Variants in EML1 observed in about 807,000 individuals in gnomAD.
EML1 encodes EMAP like 1, also known as echinoderm microtubule-associated protein-like 1.
Under a neutral mutation model 110.4 loss-of-function variants are expected in EML1, and 27 were observed. That is an observed-to-expected ratio of 0.24 (90% CI 0.18 to 0.34). The LOEUF is 0.34. Ranked by LOEUF, EML1 falls within the 10% of genes least tolerant of loss-of-function variation. The pLI is 1.00. For missense variants in EML1, 741 were observed against 1,030.9 expected, an observed-to-expected ratio of 0.72 and a Z score of 3.85; for synonymous variants, 344 against 385.8, an observed-to-expected ratio of 0.89 and a Z score of 1.27.
rs966973514 is a variant in EML1 at position 99,941,628 on chromosome 14, T to C, written c.*1516T>C. 6.6e-6 allele frequency: 1 copy of C among 152,228 alleles called. No individual in the cohort carries two copies. The highest frequency in any genetic ancestry group is 1.5e-5 in the Non-Finnish European group (1 of 68,040). The allele number at this position is 152,228 out of a possible 1,614,324, so 9.4% of individuals were successfully genotyped here. On this transcript the variant is annotated 3_prime_UTR_variant, in exon 22 of 22. Coordinates refer to ENST00000262233, the MANE Select transcript of EML1 (RefSeq NM_004434.3). ...CACTATATTCTGTTTCATATGCAGA[T>C]TTTATTCTCACCTGGGCCATTTGCA...
intron 15 of EML1, among the ~76,000 whole-genome samples, chr14:99,916,081 G>T (rs1199096157): frequency 1.3e-5 from 2 of 152,238 alleles, no homozygotes; most frequent in Non-Finnish European, 2.9e-5. Context: ...TGGTGGTCCA[G>T]GAGGGCTGAA....
At chr14:99,821,785 G>A (rs977084461) in intron 1 of EML1, among the ~76,000 whole-genome samples, 1 of 152,164 alleles carries the variant, frequency 6.6e-6, no homozygotes, top group Non-Finnish European at 1.5e-5. Context: ...GAATAGGAAT[G>A]GATCTAAAAA....
chr14:99,849,112 T>G (rs2058749575), intron 1 of EML1, among the ~76,000 whole-genome samples: 1 of 152,240 alleles, frequency 6.6e-6, no homozygotes, highest in African/African-American at 2.4e-5. Flanking sequence ...ATAATTTTTC[T>G]TTAGCCTGAA....
chr14:99,770,779 A>ATTTTTTT (rs34744469), upstream of EML1, among the ~76,000 whole-genome samples: 57 of 91,624 alleles, frequency 6.2e-4, 4 homozygotes, highest in African/African-American at 1.2e-3. Context: ...GTTTCCGCTG[A>ATTTTTTT]TTTTTTTTTT....
At chr14:99,835,773 C>T (rs2058530683) in intron 1 of EML1, among the ~76,000 whole-genome samples, 1 of 152,174 alleles carries the variant, frequency 6.6e-6, no homozygotes. Flanking sequence ...TTCAATATTT[C>T]CAACACCATT....
intron 17 of EML1, among the ~76,000 whole-genome samples, chr14:99,935,295 G>A (rs1046827675): frequency 2.6e-5 from 4 of 151,696 alleles, no homozygotes; most frequent in South Asian, 2.1e-4. Flanking sequence ...TCAACACAGC[G>A]AGACCCCAAC....
rs763147507 is a variant in EML1 at position 99,939,245 on chromosome 14, G to T, written c.2240G>T (p.Arg747Leu). The change falls in exon 21 of 22, where the codon CGG becomes CTG. Residue 747 changes from arginine to leucine, a missense_variant. Around this residue, in one of 4 missense-constraint regions of EML1, gnomAD observed 114 missense variants for 122.5 expected, o/e 0.93. Transcript: ENST00000262233. This position sits in a 1 kb window ranked among gnomAD's most constrained non-coding sequence, Gnocchi z 4.2. ...SDGTDINAVCRAHEKKLLSTG... is the reference protein window; with the variant it reads ...SDGTDINAVCLAHEKKLLSTG... Reference sequence around the variant, plus strand: ...GGAACCGACATCAATGCCGTCTGTCGGGCCCATGAGAAGAAACTCCTGTCA... The same window carrying T: ...GGAACCGACATCAATGCCGTCTGTCTGGCCCATGAGAAGAAACTCCTGTCA... 3 of 1,614,152 alleles carry T rather than the reference G, an allele frequency of 1.9e-6. No homozygotes were observed. In the East Asian group the frequency reaches 6.7e-5, roughly 36 times the overall value.
At chr14:99,866,328 T>C (rs560805646) in intron 3 of EML1, among the ~76,000 whole-genome samples, 3 of 152,232 alleles carry the variant, frequency 2.0e-5, no homozygotes, top group East Asian at 3.9e-4. Context: ...TCCAGCACTT[T>C]GGGAGGCCAA....
chr14:99,783,849 G>A (rs1005725815), intron 1 of EML1, among the ~76,000 whole-genome samples: 3 of 152,216 alleles, frequency 2.0e-5, no homozygotes, highest in African/African-American at 7.2e-5. Context: ...GGCCTTCTGG[G>A]ATGAGTGGTT....
intron 3 of EML1, among the ~76,000 whole-genome samples, chr14:99,877,595 T>C (rs926295086): frequency 1.3e-5 from 2 of 152,196 alleles, no homozygotes; most frequent in African/African-American, 4.8e-5. Context: ...TAGTCCCTCT[T>C]GTCCTATGAA....
rs1362216142 is a variant in EML1, at chr14:99,941,483, T to C, written c.*1371T>C. On this transcript the variant is annotated 3_prime_UTR_variant, in exon 22 of 22. Coordinates refer to ENST00000262233, the MANE Select transcript of EML1 (RefSeq NM_004434.3). ...CCATGTATTATTGAAGATGAATCTG[T>C]TTGTATGTATCCTTGTCAAATATAT... The C allele has an allele frequency of 6.6e-6, 1 of 152,238 alleles. No homozygotes were observed. The highest frequency in any genetic ancestry group is 1.5e-5 in the Non-Finnish European group (1 of 68,044). The allele number at this position is 152,238 out of a possible 1,614,324, so 9.4% of individuals were successfully genotyped here. A position where few individuals can be genotyped will look rare whatever the true frequency, so the allele number is the denominator to read the frequency against.
chr14:99,913,396 A>G (rs4905916), intron 13 of EML1, among the ~76,000 whole-genome samples: 104,438 of 151,588 alleles, frequency 0.69, 36,938 homozygotes, highest in African/African-American at 0.88. Context: ...AGGCTGGTCT[A>G]GAACTCCTGG....
chr14:99,849,533 ATATATT>A (rs1277853648), intron 1 of EML1, among the ~76,000 whole-genome samples: 9 of 148,586 alleles, frequency 6.1e-5, no homozygotes, highest in Admixed American at 1.3e-4. Flanking sequence ...GTGTGTGTAT[ATATATT>A]TATTTATTTA....
At chr14:99,916,595 CCATT>C (rs2060038021) in intron 15 of EML1, among the ~76,000 whole-genome samples, 5 of 152,174 alleles carry the variant, frequency 3.3e-5, no homozygotes, top group Admixed American at 2.6e-4. Flanking sequence ...AAGGACAAGA[CCATT>C]CAAAGTGTTC....
At chr14:99,812,615 A>G (rs1171299991) in intron 1 of EML1, among the ~76,000 whole-genome samples, 2 of 148,066 alleles carry the variant, frequency 1.4e-5, no homozygotes, top group African/African-American at 4.9e-5. Flanking sequence ...GGTGTCTTCC[A>G]TACCAAAGAG....
chr14:99,906,456 C>T (rs1044970563), intron 9 of EML1, among the ~76,000 whole-genome samples: 2 of 152,138 alleles, frequency 1.3e-5, no homozygotes, highest in African/African-American at 2.4e-5. Flanking sequence ...AACTTCCTGA[C>T]GTTGCCATGA....
At position 99,761,566 on chromosome 14, in the gene EML1, A is replaced by G. The variant is rs1043547631; in HGVS notation, c.28+23706A>G. On this transcript the variant is annotated intron_variant, in intron 1 of 10. Transcript: ENST00000554479. ...TGTGGGTGACACCGAGCCTGGGGTG[A>G]GCAGATGGTGTGGGAGAATGCAGAA... Among the ~76,000 whole-genome samples the G allele has an allele frequency of 3.3e-5, 5 of 152,172 alleles. No homozygotes were observed. In the East Asian group the frequency reaches 9.7e-4, roughly 29 times the overall value.
Position 99,784,059 on chromosome 14 carries a change from C to T in EML1, c.-27+10046C>T, listed in dbSNP as rs1192716769. ...TTGCATGAATTAGAGACAATCACAA[C>T]ATCAAGTTTCCTAAATGTAAGGACT... On this transcript the variant is annotated intron_variant, in intron 1 of 22. Transcript: ENST00000327921. The surrounding 1 kb of genome is among the most constrained non-coding windows in gnomAD (Gnocchi z 4.5). 2.0e-5 allele frequency among the ~76,000 whole-genome samples: 3 copies of T among 152,190 alleles called. No individual in the cohort carries two copies. Among genetic ancestry groups the T allele is most frequent in the East Asian group, 3.8e-4 (2 of 5,204 alleles).
intron 1 of EML1, among the ~76,000 whole-genome samples, chr14:99,843,365 G>A (rs970371509): frequency 3.9e-5 from 6 of 152,232 alleles, no homozygotes; most frequent in South Asian, 2.1e-4. Flanking sequence ...TTGCATAACC[G>A]TTGAGACAGC....
Sources: allele counts gnomAD v4.1 joint callset (sites outside exome capture counted in the v4.1 genomes callset), GRCh38; gene constraint gnomAD v4.1.1; regional missense constraint gnomAD v4.1.1; non-coding constraint Gnocchi (gnomAD v3.1); transcripts MANE v1.5; gene names NCBI Gene and HGNC (gene_info 2026-07-23, HGNC 2026-07-21).